MYBPC1: variants seen among roughly 807,000 people sequenced by gnomAD.
The protein encoded by MYBPC1 is myosin binding protein C1.
MYBPC1 carries 52 observed loss-of-function variants against 147.1 expected under a neutral mutation model. That is an observed-to-expected ratio of 0.35 (90% confidence interval 0.28 to 0.45). The LOEUF is 0.45. Ranked by LOEUF, MYBPC1 falls within the 20% of genes least tolerant of loss-of-function variation. MYBPC1 has a pLI of 1.00. For missense variants in MYBPC1, 1,228 were observed against 1,440.3 expected (o/e 0.85, Z 2.39); for synonymous variants, 477 against 475.9 (o/e 1.00, Z -0.03).
chr12:101,646,620 C>A, intron 12 of MYBPC1, 143 bp from the exon 13 acceptor site: 1 of 935,764 alleles, frequency 1.1e-6, no homozygotes, highest in Non-Finnish European at 1.7e-6. Context: ...GCCTGTGCAA[C>A]AGAGCAAGAC....
At chr12:101,679,853 A>T (rs1263781) in intron 28 of MYBPC1, among the ~76,000 whole-genome samples, 94,336 of 152,128 alleles carry the variant, frequency 0.62, 30,334 homozygotes, top group African/African-American at 0.79. Flanking sequence ...TGAGTTAACA[A>T]CATGGACCTA....
chr12:101,688,507 A>G (rs1951380094), downstream of MYBPC1, among the ~76,000 whole-genome samples: 1 of 152,240 alleles, frequency 6.6e-6, no homozygotes, highest in Admixed American at 6.5e-5. Flanking sequence ...ATATCAAAGT[A>G]GAAAAAAATT....
At chr12:101,662,801 A>T (rs1286482387) in intron 21 of MYBPC1, among the ~76,000 whole-genome samples, 1 of 152,224 alleles carries the variant, frequency 6.6e-6, no homozygotes, top group Non-Finnish European at 1.5e-5. Flanking sequence ...TCTGATTGCC[A>T]TTCCCCACTG....
chr12:101,616,862 A>G (rs1886217097), intron 2 of MYBPC1, among the ~76,000 whole-genome samples: 1 of 152,202 alleles, frequency 6.6e-6, no homozygotes, highest in Admixed American at 6.5e-5. Context: ...GCTGAGGTCT[A>G]AAATAAAGTG....
chr12:101,627,231 T>C (rs1888806636), intron 4 of MYBPC1, among the ~76,000 whole-genome samples: 1 of 152,080 alleles, frequency 6.6e-6, no homozygotes, highest in Non-Finnish European at 1.5e-5. Flanking sequence ...ATTTAGATAT[T>C]TGGATTTTAA....
rs200598909 is a variant in MYBPC1, at chr12:101,680,563, G to A, written c.3433+34G>A. Reference sequence around the variant, plus strand: ...TCCAATATCTCACGTATAGACTAAAGTTAAAGAAAATCATTGAATTATTGT... The same window carrying A: ...TCCAATATCTCACGTATAGACTAAAATTAAAGAAAATCATTGAATTATTGT... On this transcript the variant is annotated intron_variant, in intron 29 of 31. Coordinates refer to ENST00000361466, the MANE Select transcript of MYBPC1 (RefSeq NM_002465.4). The A allele has an allele frequency of 1.1e-5, 17 of 1,605,354 alleles. No homozygotes were observed. In the South Asian group the frequency reaches 1.2e-4, roughly 11 times the overall value.
chr12:101,642,719 T>A (rs896918183), intron 11 of MYBPC1, 134 bp downstream of exon 11: 1 of 915,000 alleles, frequency 1.1e-6, no homozygotes. Context: ...GTGCAGGGGT[T>A]ACGCTTGTCT....
intron 1 of MYBPC1, among the ~76,000 whole-genome samples, chr12:101,597,171 T>C (rs1877620096): frequency 6.6e-6 from 1 of 152,248 alleles, no homozygotes; most frequent in South Asian, 2.1e-4. Context: ...TCATTTTCAC[T>C]GGGGTTAGTT....
intron 18 of MYBPC1, among the ~76,000 whole-genome samples, chr12:101,659,135 T>C (rs1315915061): frequency 6.6e-6 from 1 of 152,248 alleles, no homozygotes; most frequent in African/African-American, 2.4e-5. Flanking sequence ...TTCTTTTATG[T>C]TTTTACTAGA....
At chr12:101,611,985 G>A (rs7304791) in intron 1 of MYBPC1, among the ~76,000 whole-genome samples, 2,799 of 151,792 alleles carry the variant, frequency 0.018, 85 homozygotes, top group African/African-American at 0.065. Context: ...GCTGAGGCAG[G>A]AGAATTGCTT....
At chr12:101,598,016 CTTTTT>C (rs34462251) in intron 1 of MYBPC1, among the ~76,000 whole-genome samples, 3 of 122,182 alleles carry the variant, frequency 2.5e-5, no homozygotes, top group African/African-American at 8.9e-5. Flanking sequence ...AATCACCTTT[CTTTTT>C]TTTTTTTTTT....
chr12:101,670,251 T>G, intron 23 of MYBPC1, 70 bp from the exon 24 acceptor site: 1 of 1,237,606 alleles, frequency 8.1e-7, no homozygotes, highest in Non-Finnish European at 1.2e-6. Context: ...CATCATGCCA[T>G]TTTGCTTTTG....
intron 19 of MYBPC1, among the ~76,000 whole-genome samples, chr12:101,660,719 GTTTAAT>G (rs1565976810): frequency 6.6e-6 from 1 of 151,664 alleles, no homozygotes; most frequent in African/African-American, 2.4e-5. Context: ...AGAAAAAGAG[GTTTAAT>G]GGACTCACAG....
At chr12:101,664,237 G>T (rs994208073) in intron 22 of MYBPC1, among the ~76,000 whole-genome samples, 4 of 152,064 alleles carry the variant, frequency 2.6e-5, no homozygotes, top group African/African-American at 9.7e-5. Flanking sequence ...AATGACAGAA[G>T]AAAATATGGG....
chr12:101,677,500 T>A (rs1900264472), intron 27 of MYBPC1, 106 bp downstream of exon 27: 1 of 1,345,622 alleles, frequency 7.4e-7, no homozygotes, highest in Non-Finnish European at 1.0e-6. Flanking sequence ...ATGGTAAATG[T>A]ACATTGTAAA....
intron 22 of MYBPC1, among the ~76,000 whole-genome samples, chr12:101,664,178 A>G (rs1897052431): frequency 6.6e-6 from 1 of 152,222 alleles, no homozygotes; most frequent in African/African-American, 2.4e-5. Context: ...GAAGAGAAAC[A>G]AGGCCATAAA....
intron 1 of MYBPC1, among the ~76,000 whole-genome samples, chr12:101,599,213 A>G (rs1330899843): frequency 6.6e-6 from 1 of 152,100 alleles, no homozygotes; most frequent in African/African-American, 2.4e-5. Context: ...GTTACTGCAG[A>G]TTATTTTGCT....
In MYBPC1 at chr12:101,595,044, T is replaced by C; in HGVS notation, c.-27T>C. The C allele has an allele frequency of 6.2e-7, 1 of 1,611,294 alleles. No individual in the cohort carries two copies. The highest frequency in any genetic ancestry group is 8.5e-7 in the Non-Finnish European group (1 of 1,177,828). On this transcript the variant is annotated 5_prime_UTR_variant, in exon 1 of 32. Coordinates refer to ENST00000361466, the MANE Select transcript of MYBPC1 (RefSeq NM_002465.4). ...ACTAGTCGTGGAGGGAAGGAGACTC[T>C]TTAAAGAATAACATCTTATTGTGGC...
chr12:101,601,023 GAATA>G lies in MYBPC1; in HGVS notation c.25+5933_25+5936del, dbSNP rs1879706275. ...CAAAGTACTGCATCCTGGGGAAACT[GAATA>G]AATACACAGAAAGGTAGTAGCTGAA... On this transcript the variant is annotated intron_variant, in intron 1 of 31. Coordinates refer to ENST00000361466, the MANE Select transcript of MYBPC1 (RefSeq NM_002465.4). Among the ~76,000 whole-genome samples the G allele has an allele frequency of 2.6e-5, 4 of 152,176 alleles. No individual in the cohort carries two copies. In the South Asian group the frequency reaches 8.3e-4, roughly 32 times the overall value.
Sources: allele counts gnomAD v4.1 joint callset (sites outside exome capture counted in the v4.1 genomes callset), GRCh38; gene constraint gnomAD v4.1.1; transcripts MANE v1.5; gene names NCBI Gene and HGNC (gene_info 2026-07-23, HGNC 2026-07-21).